Variants in EYA1 observed in about 807,000 individuals in gnomAD.
EYA1 encodes the protein protein phosphatase EYA1.
A neutral mutation model predicts 82.0 loss-of-function variants in EYA1; 16 were observed. The ratio of observed to expected loss-of-function variants is 0.20; its 90% CI spans 0.13 to 0.30. The LOEUF (loss-of-function observed/expected upper bound fraction) is 0.30. Among genes scored for constraint, EYA1 ranks in the 10% least tolerant of loss-of-function variants. EYA1 has a pLI of 1.00. For missense variants in EYA1, 633 were observed against 730.7 expected, an observed-to-expected ratio of 0.87 and a Z score of 1.54; for synonymous variants, 261 against 264.4, an observed-to-expected ratio of 0.99 and a Z score of 0.12.
intron 7 of EYA1, among the ~76,000 whole-genome samples, chr8:71,307,907 T>C (rs1293172241): frequency 6.6e-6 from 1 of 152,246 alleles, no homozygotes; most frequent in Non-Finnish European, 1.5e-5. Context: ...CACAGGTATA[T>C]TAATGAAAAC....
intron 2 of EYA1, among the ~76,000 whole-genome samples, chr8:71,407,055 G>A (rs1290670748): frequency 2.7e-5 from 3 of 110,554 alleles, no homozygotes; most frequent in African/African-American, 6.0e-5. Context: ...TCCTCAAGTG[G>A]GTCCCTGACC....
chr8:71,219,112 G>A (rs979232691), intron 12 of EYA1, among the ~76,000 whole-genome samples: 1 of 152,064 alleles, frequency 6.6e-6, no homozygotes, highest in Admixed American at 6.6e-5. Context: ...AGCTGTGAAC[G>A]ACCCCATTGT....
chr8:71,313,206 C>T (rs569940477), intron 7 of EYA1, among the ~76,000 whole-genome samples: 1 of 152,238 alleles, frequency 6.6e-6, no homozygotes, highest in African/African-American at 2.4e-5. Context: ...CCCGCTTTTT[C>T]GGTATCATGT....
chr8:71,435,034 T>C (rs1273619234), intron 2 of EYA1, among the ~76,000 whole-genome samples: 1 of 152,092 alleles, frequency 6.6e-6, no homozygotes, highest in Non-Finnish European at 1.5e-5. Context: ...AAATATGCAG[T>C]TCTGAAAATG....
intron 1 of EYA1, among the ~76,000 whole-genome samples, chr8:71,539,929 T>C (rs1419265952): frequency 6.6e-6 from 1 of 152,134 alleles, no homozygotes; most frequent in Non-Finnish European, 1.5e-5. Flanking sequence ...TGACAAACAT[T>C]TGCAAACATA....
In EYA1 at chr8:71,203,491, T is replaced by C. The variant is rs1335164218; in HGVS notation, c.1699-4071A>G. Among the ~76,000 whole-genome samples the C allele has an allele frequency of 2.0e-5, 3 of 152,154 alleles. No homozygotes were observed. The East Asian group carries it at 5.8e-4, about 29-fold the overall frequency. On this transcript the variant is annotated intron_variant, in intron 17 of 17. Coordinates refer to ENST00000340726, the MANE Select transcript of EYA1 (RefSeq NM_000503.6). ...AGGGTAAACTGAGCTTGAGCTGAAT[T>C]TGAAGAATGGGTGAAGTTGGAGAGG...
chr8:71,507,290 G>A (rs1812263206), intron 2 of EYA1, among the ~76,000 whole-genome samples: 1 of 152,154 alleles, frequency 6.6e-6, no homozygotes, highest in Non-Finnish European at 1.5e-5. Flanking sequence ...CCTGAGTGGT[G>A]GGTTCCAGAG....
intron 9 of EYA1, among the ~76,000 whole-genome samples, chr8:71,290,516 T>G (rs535253152): frequency 1.3e-5 from 2 of 152,158 alleles, no homozygotes; most frequent in Non-Finnish European, 2.9e-5. Flanking sequence ...TCTTGTTATG[T>G]ATAAATATAA....
chr8:71,252,420 T>C (rs560126960), intron 11 of EYA1, among the ~76,000 whole-genome samples: 1 of 152,212 alleles, frequency 6.6e-6, no homozygotes, highest in African/African-American at 2.4e-5. Context: ...AAAGGAGTCA[T>C]ACATTCAAAC....
chr8:71,217,588 C>CGT (rs372443634), intron 12 of EYA1, among the ~76,000 whole-genome samples: 15,009 of 150,858 alleles, frequency 0.099, 2,404 homozygotes, highest in African/African-American at 0.34. Flanking sequence ...TCTCTGTGTA[C>CGT]GTGTGTGTGT....
rs1821230294 is a variant in EYA1, at chr8:71,310,595, A to G, written c.556+6957T>C. 2.0e-5 allele frequency among the ~76,000 whole-genome samples: 3 copies of G among 152,170 alleles called. No homozygotes were observed. In the South Asian group the frequency reaches 6.2e-4, roughly 32 times the overall value. On this transcript the variant is annotated intron_variant, in intron 7 of 17. Coordinates refer to ENST00000340726, the MANE Select transcript of EYA1 (RefSeq NM_000503.6). The stretch of plus-strand genomic sequence containing the variant: ...ATGTTCCTGCAAAGGACATGATCTC[A>G]TTCTTTTTGTATAGCTGCATAATAT...
intron 2 of EYA1, among the ~76,000 whole-genome samples, chr8:71,532,351 C>T (rs1003713937): frequency 5.3e-5 from 8 of 152,092 alleles, no homozygotes; most frequent in African/African-American, 1.9e-4. Context: ...ATCATGGAGC[C>T]AAAATTACAC....
rs1410348946 is a variant in EYA1, at chr8:71,354,924, C to T, written c.-4-15G>A. On this transcript the variant is annotated splice_polypyrimidine_tract_variant and intron_variant, in intron 2 of 17. Transcript: ENST00000340726. ...TTTCCATAGACCTAAAGACAAGAAG[C>T]CTTCCATTTGACAGATGTACCAAAT... is the stretch of plus-strand genomic sequence containing the variant. 3 of 1,611,972 alleles carry T rather than the reference C, an allele frequency of 1.9e-6. No individual in the cohort carries two copies. The highest frequency in any genetic ancestry group is 1.1e-5 in the South Asian group (1 of 91,020).
intron 4 of EYA1, among the ~76,000 whole-genome samples, chr8:71,332,144 T>C (rs1480816584): frequency 5.9e-5 from 9 of 152,170 alleles, no homozygotes; most frequent in African/African-American, 1.4e-4. Context: ...TGAACCACCA[T>C]GCCTGGCCAA....
chr8:71,199,675 A>G (rs562196352), intron 17 of EYA1, among the ~76,000 whole-genome samples: 76 of 152,346 alleles, frequency 5.0e-4, no homozygotes, highest in African/African-American at 1.8e-3. Context: ...CTGGATCTAC[A>G]CTGTGACTTG....
At chr8:71,282,064 C>T (rs1367318768) in intron 9 of EYA1, among the ~76,000 whole-genome samples, 1 of 152,184 alleles carries the variant, frequency 6.6e-6, no homozygotes, top group Non-Finnish European at 1.5e-5. Flanking sequence ...ACTGAGAAAA[C>T]AGAAGGAACC....
intron 9 of EYA1, among the ~76,000 whole-genome samples, chr8:71,276,208 T>C (rs1817149843): frequency 6.6e-6 from 1 of 152,250 alleles, no homozygotes; most frequent in African/African-American, 2.4e-5. Flanking sequence ...TCCTTTGTTA[T>C]CTTGCACTAA....
chr8:71,216,553 C>G (rs1809226220), intron 14 of EYA1, 139 bp downstream of exon 14: 1 of 894,210 alleles, frequency 1.1e-6, no homozygotes, highest in Non-Finnish European at 1.8e-6. Context: ...TAAATCACAG[C>G]AGAATAATGG....
In EYA1 at chr8:71,261,109, A is replaced by C. The variant is rs147222420; in HGVS notation, c.1050+8631T>G. Among the ~76,000 whole-genome samples the C allele has an allele frequency of 1.8e-3, 275 of 152,314 alleles. 3 individuals are homozygous for C. Among genetic ancestry groups the C allele is most frequent in the South Asian group, 0.017 (83 of 4,818 alleles). The stretch of plus-strand genomic sequence containing the variant: ...AGGAAAGGATTAAGGTTAAGCTTTG[A>C]AAATTAGCTTCCTATCTTGAAAGGA... On this transcript the variant is annotated intron_variant, in intron 11 of 17. Transcript: ENST00000340726.
Sources: allele counts gnomAD v4.1 joint callset (sites outside exome capture counted in the v4.1 genomes callset), GRCh38; gene constraint gnomAD v4.1.1; transcripts MANE v1.5; gene names NCBI Gene and HGNC (gene_info 2026-07-23, HGNC 2026-07-21).